The following SHISA9 variants were observed in gnomAD, a reference collection of about 807,000 sequenced individuals.
The protein encoded by SHISA9 is shisa family member 9.
A neutral mutation model predicts 38.0 loss-of-function variants in SHISA9; 13 were observed. The ratio of observed to expected loss-of-function variants is 0.34; its 90% CI spans 0.22 to 0.54. SHISA9 has a LOEUF of 0.54. Ranked by LOEUF, SHISA9 falls within the 20% of genes least tolerant of loss-of-function variation. The pLI is 0.91. For synonymous variants in SHISA9, 275 were observed against 242.0 expected, an observed-to-expected ratio of 1.14 and a Z score of -1.27; for missense variants, 538 against 575.8, an observed-to-expected ratio of 0.93 and a Z score of 0.67.
At chr16:13,400,049 A>G in the SHISA9 span, among the ~76,000 whole-genome samples, 2 of 152,236 alleles carry the variant, frequency 1.3e-5, no homozygotes, top group African/African-American at 4.8e-5. Flanking sequence ...CTCTACAAGT[A>G]AAAGCTTTAA....
At chr16:13,464,877 T>G in the SHISA9 span, among the ~76,000 whole-genome samples, 1 of 151,748 alleles carries the variant, frequency 6.6e-6, no homozygotes, top group Admixed American at 6.6e-5. Context: ...AGTAATTCAT[T>G]AAATCCTACA....
intron 2 of SHISA9, among the ~76,000 whole-genome samples, chr16:12,977,916 T>A (rs999803910): frequency 6.6e-6 from 1 of 152,030 alleles, no homozygotes; most frequent in Admixed American, 6.6e-5. Context: ...CAAACCACCA[T>A]GACACACATT....
chr16:13,312,863 T>C, the SHISA9 span, among the ~76,000 whole-genome samples: 1 of 152,000 alleles, frequency 6.6e-6, no homozygotes, highest in African/African-American at 2.4e-5. Flanking sequence ...AGAGAGAATA[T>C]AAAAATTAGC....
At chr16:13,445,725 A>C in the SHISA9 span, among the ~76,000 whole-genome samples, 1 of 152,210 alleles carries the variant, frequency 6.6e-6, no homozygotes, top group East Asian at 1.9e-4. Context: ...AATATACTGA[A>C]GCAGTAGGTT....
intron 2 of SHISA9, chr16:13,203,186 C>T (rs1306719743): frequency 2.5e-6 from 1 of 405,488 alleles, no homozygotes; most frequent in East Asian, 3.6e-5. Flanking sequence ...GAGATGATGT[C>T]AGAAAAACAC....
At chr16:12,915,094 C>A (rs2071237072) in intron 1 of SHISA9, among the ~76,000 whole-genome samples, 1 of 152,120 alleles carries the variant, frequency 6.6e-6, no homozygotes, top group Non-Finnish European at 1.5e-5. Flanking sequence ...GGGGTATATC[C>A]CCAAACACGG....
At chr16:13,521,368 C>CA in the SHISA9 span, among the ~76,000 whole-genome samples, 1 of 152,130 alleles carries the variant, frequency 6.6e-6, no homozygotes, top group Non-Finnish European at 1.5e-5. Flanking sequence ...CTATTTTTTC[C>CA]AAAACCCCTA....
intron 2 of SHISA9, among the ~76,000 whole-genome samples, chr16:12,957,727 C>T (rs2071854913): frequency 6.6e-6 from 1 of 152,096 alleles, no homozygotes; most frequent in African/African-American, 2.4e-5. Flanking sequence ...GGTTAAACAA[C>T]AAGCGTATTT....
At chr16:13,204,086 A>G (rs1300360397) in intron 3 of SHISA9, among the ~76,000 whole-genome samples, 2 of 151,858 alleles carry the variant, frequency 1.3e-5, no homozygotes, top group Non-Finnish European at 2.9e-5. Context: ...CTTATCTATT[A>G]TCTATCTATA....
At chr16:13,497,456 C>T in the SHISA9 span, among the ~76,000 whole-genome samples, 1 of 151,922 alleles carries the variant, frequency 6.6e-6, no homozygotes, top group African/African-American at 2.4e-5. Flanking sequence ...GAGGCCGAGG[C>T]AGGAGGATCA....
chr16:13,406,642 G>A, the SHISA9 span, among the ~76,000 whole-genome samples: 1 of 152,218 alleles, frequency 6.6e-6, no homozygotes, highest in African/African-American at 2.4e-5. Context: ...TGGGAAGGCT[G>A]TCACATAGTG....
At chr16:13,043,078 A>G (rs917624655) in intron 2 of SHISA9, among the ~76,000 whole-genome samples, 5 of 152,198 alleles carry the variant, frequency 3.3e-5, no homozygotes, top group African/African-American at 1.2e-4. Context: ...GTAGAGGTAG[A>G]CATGGGATGC....
At chr16:12,909,874 C>CCTTT (rs2071158103) in intron 1 of SHISA9, 2 of 152,306 alleles carry the variant, frequency 1.3e-5, no homozygotes, top group East Asian at 1.9e-4. Flanking sequence ...TTCCTTCCTT[C>CCTTT]GAGACACAGT....
chr16:13,538,404 C>T, the SHISA9 span, among the ~76,000 whole-genome samples: 1 of 152,164 alleles, frequency 6.6e-6, no homozygotes, highest in Non-Finnish European at 1.5e-5. Flanking sequence ...TATCTAAACA[C>T]TTGAAGTAGA....
the SHISA9 span, among the ~76,000 whole-genome samples, chr16:13,415,792 C>T: frequency 7.1e-6 from 1 of 140,404 alleles, no homozygotes; most frequent in Non-Finnish European, 1.5e-5. Flanking sequence ...AATTGAAAAT[C>T]CAGTAACCTA....
At chr16:13,360,482 G>T in the SHISA9 span, among the ~76,000 whole-genome samples, 4 of 152,132 alleles carry the variant, frequency 2.6e-5, no homozygotes, top group East Asian at 7.7e-4. Context: ...CATGAGATCT[G>T]ATGTTTTTAT....
chr16:13,327,774 A>G, the SHISA9 span, among the ~76,000 whole-genome samples: 421 of 151,918 alleles, frequency 2.8e-3, no homozygotes, highest in Non-Finnish European at 5.1e-3. Flanking sequence ...CTCGTGCCTC[A>G]GCCTCCCAAG....
chr16:13,269,469 A>G, the SHISA9 span, among the ~76,000 whole-genome samples: 1 of 152,180 alleles, frequency 6.6e-6, no homozygotes, highest in African/African-American at 2.4e-5. Flanking sequence ...GGGGCTTTCT[A>G]TGCTCCCACT....
In SHISA9 at chr16:12,967,199, CACA is replaced by C. The variant is rs1417685947; in HGVS notation, c.691+50385_691+50387del. On this transcript the variant is annotated intron_variant, in intron 2 of 4. Coordinates refer to ENST00000558583, the MANE Select transcript of SHISA9 (RefSeq NM_001145204.3). ...GATAGACTGGATTAAGAAAATGTGG[CACA>C]TATACGCCATGGAATACTATGCAGC... 1.2e-3 allele frequency among the ~76,000 whole-genome samples: 190 copies of C among 152,124 alleles called. 2 individuals carry two copies. The highest frequency in any genetic ancestry group is 4.3e-4 in the Non-Finnish European group (29 of 68,032).
Sources: allele counts gnomAD v4.1 joint callset (sites outside exome capture counted in the v4.1 genomes callset), GRCh38; gene constraint gnomAD v4.1.1; transcripts MANE v1.5; gene names NCBI Gene and HGNC (gene_info 2026-07-23, HGNC 2026-07-21).